RAB28: variants seen among roughly 807,000 people sequenced by gnomAD.
RAB28 encodes ras-related protein Rab-28.
RAB28 carries 24 observed loss-of-function variants against 31.7 expected under a neutral mutation model. The ratio of observed to expected loss-of-function variants is 0.76; its 90% CI spans 0.55 to 1.06. The LOEUF (loss-of-function observed/expected upper bound fraction) is 1.06. Ranked by LOEUF, RAB28 falls within the 50% of genes least tolerant of loss-of-function variation. The pLI is 0.00. For synonymous variants in RAB28, 100 were observed against 90.4 expected (o/e 1.11, Z -0.60); for missense variants, 254 against 258.5 (o/e 0.98, Z 0.12).
intron 4 of RAB28, among the ~76,000 whole-genome samples, chr4:13,423,999 G>C (rs1713331321): frequency 6.6e-6 from 1 of 151,974 alleles, no homozygotes. Flanking sequence ...AGCTGAGGAA[G>C]GTATAACAAA....
chr4:13,394,239 CTA>C (rs1729775070), intron 4 of RAB28, among the ~76,000 whole-genome samples: 1 of 152,046 alleles, frequency 6.6e-6, no homozygotes, highest in Non-Finnish European at 1.5e-5. Context: ...GCACAAGGGA[CTA>C]GTTTCATGGA....
intron 4 of RAB28, among the ~76,000 whole-genome samples, chr4:13,421,918 A>T (rs1312747265): frequency 6.6e-6 from 1 of 152,200 alleles, no homozygotes; most frequent in Non-Finnish European, 1.5e-5. Context: ...AATTAAACTA[A>T]AGAGCTTCTG....
At chr4:13,408,638 A>C (rs906039078) in intron 4 of RAB28, among the ~76,000 whole-genome samples, 1 of 152,160 alleles carries the variant, frequency 6.6e-6, no homozygotes, top group African/African-American at 2.4e-5. Context: ...TCCTTGAGGG[A>C]AAAAATTGCA....
chr4:13,388,466 A>G (rs1378871574), intron 4 of RAB28, among the ~76,000 whole-genome samples: 1 of 152,082 alleles, frequency 6.6e-6, no homozygotes, highest in East Asian at 1.9e-4. Flanking sequence ...CTTGGTGGTG[A>G]TTTCTTGGAC....
At chr4:13,452,981 T>C (rs1715054788) in intron 4 of RAB28, among the ~76,000 whole-genome samples, 1 of 136,276 alleles carries the variant, frequency 7.3e-6, no homozygotes. Context: ...TTTACAATTG[T>C]TATGTTCTCT....
intron 5 of RAB28, among the ~76,000 whole-genome samples, chr4:13,380,927 A>G (rs895122952): frequency 6.6e-6 from 1 of 151,976 alleles, no homozygotes; most frequent in Non-Finnish European, 1.5e-5. Context: ...AATATTAAGT[A>G]AAAAGTAAAA....
rs549535921 is a variant in RAB28, at chr4:13,460,517, G to T, written c.391+182C>A. On this transcript the variant is annotated intron_variant, in intron 4 of 6. Transcript: ENST00000330852. ...AAGCATTAGCCACTGCGCCCTGCCAGATGTCATTCTTAAGGGCTCCACTCT... is the reference window on the plus strand; with the variant it reads ...AAGCATTAGCCACTGCGCCCTGCCATATGTCATTCTTAAGGGCTCCACTCT... 7.9e-5 allele frequency among the ~76,000 whole-genome samples: 12 copies of T among 152,188 alleles called. No individual in the cohort carries two copies. The East Asian group carries it at 2.1e-3, about 27-fold the overall frequency.
chr4:13,433,430 A>G (rs529049358), intron 4 of RAB28, among the ~76,000 whole-genome samples: 1 of 152,270 alleles, frequency 6.6e-6, no homozygotes, highest in African/African-American at 2.4e-5. Flanking sequence ...CCCAGAATCT[A>G]TAGGGAACTT....
At chr4:13,466,257 A>C (rs996445719) in intron 3 of RAB28, among the ~76,000 whole-genome samples, 2 of 151,908 alleles carry the variant, frequency 1.3e-5, no homozygotes, top group Admixed American at 1.3e-4. Context: ...AGGAGGAAAA[A>C]ATTAACAGTG....
At position 13,484,216 on chromosome 4, in the gene RAB28, G is replaced by A; in HGVS notation, c.-66C>T. ...GAAGGGAAGGATGAAGGCTCCGGGG[G>A]CGGGGGAGAGGAGGAAGGGAGGTAG... On this transcript the variant is annotated 5_prime_UTR_variant, in exon 1 of 7. Coordinates refer to ENST00000330852, the MANE Select transcript of RAB28 (RefSeq NM_001017979.3). The A allele has an allele frequency of 7.5e-7, 1 of 1,324,584 alleles. No individual in the cohort carries two copies. The highest frequency in any genetic ancestry group is 1.1e-6 in the Non-Finnish European group (1 of 941,680). 82.1% of individuals were successfully genotyped at this position (1,324,584 alleles called of 1,614,324 possible).
At chr4:13,433,204 CCAA>C (rs1713911632) in intron 4 of RAB28, among the ~76,000 whole-genome samples, 1 of 149,140 alleles carries the variant, frequency 6.7e-6, no homozygotes, top group African/African-American at 2.4e-5. Flanking sequence ...AGACTTTAAA[CCAA>C]CAACAGTTCA....
intron 4 of RAB28, among the ~76,000 whole-genome samples, chr4:13,415,352 T>C (rs1026243179): frequency 4.6e-5 from 7 of 152,174 alleles, no homozygotes; most frequent in African/African-American, 1.7e-4. Context: ...CTTCCTGGGC[T>C]GGCTGAGGCC....
At chr4:13,397,791 T>G (rs1026788775) in intron 4 of RAB28, among the ~76,000 whole-genome samples, 2 of 152,200 alleles carry the variant, frequency 1.3e-5, no homozygotes, top group Non-Finnish European at 2.9e-5. Context: ...TTTGTTAATT[T>G]CTTTGCTTCT....
intron 5 of RAB28, 133 bp downstream of exon 5, chr4:13,381,358 A>G (rs1729121705): frequency 5.0e-6 from 3 of 598,386 alleles, no homozygotes; most frequent in Non-Finnish European, 8.9e-6. Flanking sequence ...AACATGTTAT[A>G]TCTAATCTAA....
intron 5 of RAB28, among the ~76,000 whole-genome samples, chr4:13,377,846 G>C (rs1242608564): frequency 1.3e-5 from 2 of 152,192 alleles, no homozygotes; most frequent in Non-Finnish European, 2.9e-5. Flanking sequence ...TACAGCCAAG[G>C]GGATTTGGTG....
At chr4:13,379,346 C>G (rs146430597) in intron 5 of RAB28, among the ~76,000 whole-genome samples, 1 of 151,938 alleles carries the variant, frequency 6.6e-6, no homozygotes, top group African/African-American at 2.4e-5. Context: ...CTCCAGCATG[C>G]CTCTGTGTTT....
intron 4 of RAB28, among the ~76,000 whole-genome samples, chr4:13,437,043 C>A (rs1714157528): frequency 1.3e-5 from 2 of 152,068 alleles, no homozygotes; most frequent in Non-Finnish European, 2.9e-5. Flanking sequence ...ATAGAGAACC[C>A]AGAAATAAAG....
intron 6 of RAB28, chr4:13,370,668 C>A: frequency 1.0e-6 from 1 of 984,616 alleles, no homozygotes; most frequent in Non-Finnish European, 1.2e-6. Context: ...ATTACTTGTC[C>A]AAGACTTCCT....
At chr4:13,384,427 G>A (rs1029584616) in intron 4 of RAB28, among the ~76,000 whole-genome samples, 3 of 152,320 alleles carry the variant, frequency 2.0e-5, no homozygotes, top group East Asian at 1.9e-4. Context: ...TCCCACTGCC[G>A]CTGCCTTACG....
Sources: allele counts gnomAD v4.1 joint callset (sites outside exome capture counted in the v4.1 genomes callset), GRCh38; gene constraint gnomAD v4.1.1; transcripts MANE v1.5; gene names NCBI Gene and HGNC (gene_info 2026-07-23, HGNC 2026-07-21).